The following COTL1 variants were observed in gnomAD, a reference collection of about 807,000 sequenced individuals.
The protein encoded by COTL1 is coactosin like F-actin binding protein 1.
In COTL1, 15 loss-of-function variants were observed where a neutral mutation model predicts 16.5. The ratio of observed to expected loss-of-function variants is 0.91; its 90% CI spans 0.61 to 1.40. COTL1 has a LOEUF of 1.40. COTL1 is among the 40% of genes most tolerant of loss of function. The pLI, the probability that COTL1 is intolerant of heterozygous loss-of-function variation, is 0.00. For synonymous variants in COTL1, 112 were observed against 85.3 expected (o/e 1.31, Z -1.73); for missense variants, 220 against 201.5 (o/e 1.09, Z -0.56).
intron 2 of COTL1, among the ~76,000 whole-genome samples, chr16:84,597,965 C>T (rs1418983678): frequency 1.3e-5 from 2 of 152,184 alleles, no homozygotes; most frequent in African/African-American, 4.8e-5. Context: ...CCTCTAGCTC[C>T]TCTGCTTGCC....
chr16:84,566,368 C>T lies in COTL1; in HGVS notation c.*477G>A, dbSNP rs1248702014. 2.0e-5 allele frequency: 3 copies of T among 153,494 alleles called. No homozygotes were observed. Among genetic ancestry groups the T allele is most frequent in the East Asian group, 3.8e-4 (2 of 5,202 alleles). 9.5% of individuals were successfully genotyped at this position (153,494 alleles called of 1,614,324 possible). On this transcript the variant is annotated 3_prime_UTR_variant, in exon 4 of 4. Coordinates refer to ENST00000262428, the MANE Select transcript of COTL1 (RefSeq NM_021149.5). ...GCTTATGAAGGCTGCAGGCACCGGGCACAGCTCCTGGCCCAGCTGCCCCTC... is the reference window on the plus strand; with the variant it reads ...GCTTATGAAGGCTGCAGGCACCGGGTACAGCTCCTGGCCCAGCTGCCCCTC...
At chr16:84,599,249 T>A (rs1905066477) in intron 2 of COTL1, among the ~76,000 whole-genome samples, 1 of 152,218 alleles carries the variant, frequency 6.6e-6, no homozygotes, top group Non-Finnish European at 1.5e-5. Flanking sequence ...CTCCTCTGCG[T>A]ATCGCCAAAG....
At chr16:84,608,749 T>C (rs906499759) in intron 2 of COTL1, among the ~76,000 whole-genome samples, 1 of 152,134 alleles carries the variant, frequency 6.6e-6, no homozygotes. Context: ...CTACAAAAGA[T>C]ACAAAAATGA....
chr16:84,605,121 A>AC (rs1905186263), intron 2 of COTL1, among the ~76,000 whole-genome samples: 1 of 150,268 alleles, frequency 6.7e-6, no homozygotes, highest in African/African-American at 2.5e-5. Flanking sequence ...GCCTCTAAAC[A>AC]CTTCCCACGG....
At chr16:84,588,573 A>G (rs777274859) in intron 3 of COTL1, among the ~76,000 whole-genome samples, 11 of 152,158 alleles carry the variant, frequency 7.2e-5, no homozygotes, top group South Asian at 2.1e-4. Flanking sequence ...TGCAGTGGCG[A>G]GATCTTGGCT....
chr16:84,612,975 C>G (rs1259042676), intron 2 of COTL1, among the ~76,000 whole-genome samples: 3 of 150,832 alleles, frequency 2.0e-5, no homozygotes, highest in African/African-American at 7.3e-5. Context: ...AGATGTCAAT[C>G]TAGAATGACT....
At chr16:84,577,001 T>A (rs1322263159) in intron 3 of COTL1, 2 of 152,092 alleles carry the variant, frequency 1.3e-5, no homozygotes, top group Non-Finnish European at 2.9e-5. Flanking sequence ...GCTGAAGAAA[T>A]ACAGCCACAG....
intron 2 of COTL1, among the ~76,000 whole-genome samples, chr16:84,608,902 C>A (rs551750757): frequency 1.3e-5 from 2 of 152,134 alleles, no homozygotes; most frequent in Non-Finnish European, 2.9e-5. Context: ...ACGACCTTGT[C>A]TCAAAAATTA....
At chr16:84,577,267 CAG>C (rs1312300324) in intron 3 of COTL1, among the ~76,000 whole-genome samples, 6 of 151,880 alleles carry the variant, frequency 4.0e-5, no homozygotes, top group East Asian at 1.9e-4. Context: ...TTTTTTGAGA[CAG>C]AGTCTTGCTC....
chr16:84,606,916 C>G (rs10871287), intron 2 of COTL1, among the ~76,000 whole-genome samples: 1 of 152,092 alleles, frequency 6.6e-6, no homozygotes, highest in East Asian at 1.9e-4. Context: ...CCAGGCATTA[C>G]GGGTTCTCTT....
intron 2 of COTL1, among the ~76,000 whole-genome samples, chr16:84,608,840 G>A (rs1484801971): frequency 6.6e-6 from 1 of 152,186 alleles, no homozygotes; most frequent in Non-Finnish European, 1.5e-5. Flanking sequence ...GGGAGGCAGA[G>A]GTTGCAGTGA....
At chr16:84,572,129 G>C (rs1021264605) in intron 3 of COTL1, among the ~76,000 whole-genome samples, 1 of 152,258 alleles carries the variant, frequency 6.6e-6, no homozygotes, top group African/African-American at 2.4e-5. Context: ...ACTGGGGAGT[G>C]GGCTTCATTG....
intron 2 of COTL1, among the ~76,000 whole-genome samples, chr16:84,591,801 G>A (rs1333812182): frequency 7.3e-6 from 1 of 137,720 alleles, no homozygotes; most frequent in African/African-American, 3.0e-5. Flanking sequence ...TCCAGCCTGG[G>A]TGGCCAACTG....
rs373998542 is a variant in COTL1 at position 84,617,491 on chromosome 16, G to A, written c.160+10C>T. The A allele has an allele frequency of 3.2e-6, 5 of 1,548,504 alleles. No individual in the cohort carries two copies. The Admixed American group carries it at 7.8e-5, about 24-fold the overall frequency. ...GACCGCGCATCCGCCCGGCAGGCGC[G>A]CCTCCCTACCTGTGCACTGCTGGAT... On this transcript the variant is annotated intron_variant, in intron 2 of 3. Transcript: ENST00000262428.
intron 2 of COTL1, chr16:84,596,497 C>T (rs567176504): frequency 1.3e-5 from 2 of 152,376 alleles, no homozygotes; most frequent in East Asian, 3.9e-4. Context: ...ACCCCCAACA[C>T]CTCTCCAGTG....
chr16:84,579,277 A>AC (rs1245530292), intron 3 of COTL1, among the ~76,000 whole-genome samples: 1 of 152,226 alleles, frequency 6.6e-6, no homozygotes, highest in Non-Finnish European at 1.5e-5. Context: ...CAGGTGGATC[A>AC]CCTGAGGTCA....
At chr16:84,616,252 G>A (rs1905479855) in intron 2 of COTL1, 1 of 152,166 alleles carries the variant, frequency 6.6e-6, no homozygotes, top group Non-Finnish European at 1.5e-5. Context: ...TGTAATCCCA[G>A]CACTTTGAGA....
At chr16:84,603,326 A>G (rs1905139149) in intron 2 of COTL1, among the ~76,000 whole-genome samples, 1 of 152,186 alleles carries the variant, frequency 6.6e-6, no homozygotes, top group Admixed American at 6.5e-5. Flanking sequence ...CCCTCTTCCC[A>G]AAGGACTGAG....
At chr16:84,571,110 G>C (rs943519015) in intron 3 of COTL1, among the ~76,000 whole-genome samples, 11 of 152,246 alleles carry the variant, frequency 7.2e-5, no homozygotes, top group African/African-American at 2.6e-4. Flanking sequence ...TGCCTCCAGG[G>C]GTGGGCTGAA....
Sources: gnomAD v4.1 joint callset for allele counts (sites outside exome capture counted in the v4.1 genomes callset) on GRCh38, gnomAD v4.1.1 for gene constraint, MANE v1.5 for transcripts, NCBI Gene and HGNC (gene_info 2026-07-23, HGNC 2026-07-21) for gene names.